The following KTN1 variants were observed in gnomAD, a reference collection of about 807,000 sequenced individuals.
KTN1 encodes kinectin.
A neutral mutation model predicts 222.5 loss-of-function variants in KTN1; 130 were observed. The ratio of observed to expected loss-of-function variants is 0.58; its 90% CI spans 0.51 to 0.68. KTN1 has a LOEUF of 0.68. Among genes scored for constraint, KTN1 ranks in the 30% least tolerant of loss-of-function variants. The pLI, the probability that KTN1 is intolerant of heterozygous loss-of-function variation, is 0.00. For missense variants in KTN1, 1,508 were observed against 1,500.4 expected (o/e 1.01, Z -0.08); for synonymous variants, 512 against 496.3 (o/e 1.03, Z -0.42).
intron 1 of KTN1, among the ~76,000 whole-genome samples, chr14:55,604,286 C>G (rs911790854): frequency 6.6e-6 from 1 of 152,120 alleles, no homozygotes; most frequent in African/African-American, 2.4e-5. Flanking sequence ...TTGCTCTTCC[C>G]TCATTCACTG....
At position 55,653,460 on chromosome 14, in the gene KTN1, T is replaced by G. The variant is rs3736876; in HGVS notation, c.2764-99T>G. On this transcript the variant is annotated intron_variant, in intron 27 of 43. Transcript: ENST00000395314. ...CTTAAATTTACTGCATATAATTATG[T>G]TTTTGTTTTTATTGGTGGGTGATTC... The G allele has an allele frequency of 2.3e-3, 1,965 of 858,042 alleles. 15 individuals are homozygous for G. In the African/African-American group the frequency reaches 0.028, roughly 12 times the overall value. The allele number at this position is 858,042 out of a possible 1,614,324, so 53.2% of individuals were successfully genotyped here. A position where few individuals can be genotyped will look rare whatever the true frequency, so the allele number is the denominator to read the frequency against.
chr14:55,673,462 A>G, intron 40 of KTN1: 1 of 377,408 alleles, frequency 2.6e-6, no homozygotes, highest in Non-Finnish European at 4.7e-6. Context: ...CTTAGCTCCT[A>G]ACAATGGCAT....
At position 55,649,453 on chromosome 14, in the gene KTN1, A is replaced by G. The variant is rs540213597; in HGVS notation, c.2368-323A>G. 8.5e-5 allele frequency among the ~76,000 whole-genome samples: 13 copies of G among 152,350 alleles called. No homozygotes were observed. In the South Asian group the frequency reaches 2.7e-3, roughly 32 times the overall value. Reference sequence around the variant, plus strand: ...GTTCTAAGTATACAAATATAAAGTAAGACTCTAGTAAAAGAGGCCGCCTGA... The same window carrying G: ...GTTCTAAGTATACAAATATAAAGTAGGACTCTAGTAAAAGAGGCCGCCTGA... On this transcript the variant is annotated intron_variant, in intron 21 of 43. Transcript: ENST00000395314.
chr14:55,656,591 G>C (rs1300681800), intron 29 of KTN1, among the ~76,000 whole-genome samples: 1 of 152,018 alleles, frequency 6.6e-6, no homozygotes, highest in Non-Finnish European at 1.5e-5. Context: ...TTAGCCTCTA[G>C]AGTAGCTGGG....
chr14:55,644,057 TGAAA>T (rs2042053321), intron 18 of KTN1, among the ~76,000 whole-genome samples: 2 of 152,198 alleles, frequency 1.3e-5, no homozygotes, highest in Non-Finnish European at 1.5e-5. Context: ...CTTCTGACTC[TGAAA>T]GCTTTTTATT....
intron 1 of KTN1, among the ~76,000 whole-genome samples, chr14:55,597,589 C>T (rs1594754902): frequency 6.6e-6 from 1 of 152,190 alleles, no homozygotes; most frequent in African/African-American, 2.4e-5. Context: ...CATGGTGGTT[C>T]ATACCTGTAA....
chr14:55,614,522 A>G (rs2038062454), intron 2 of KTN1, among the ~76,000 whole-genome samples: 1 of 152,202 alleles, frequency 6.6e-6, no homozygotes, highest in South Asian at 2.1e-4. Context: ...TGTGAGCCGC[A>G]TGTAGCCCAC....
rs770648127 is a variant in KTN1 at position 55,647,051 on chromosome 14, A to G, written c.2207+44A>G. Reference sequence around the variant, plus strand: ...TTTTATATTTTGATGAGTTACTTCTACCAAATTAACTACATTAATTAGAGT... The same window carrying G: ...TTTTATATTTTGATGAGTTACTTCTGCCAAATTAACTACATTAATTAGAGT... On this transcript the variant is annotated intron_variant, in intron 19 of 43. Coordinates refer to ENST00000395314, the MANE Select transcript of KTN1 (RefSeq NM_001079521.2). 6.2e-6 allele frequency: 7 copies of G among 1,122,932 alleles called. No individual in the cohort carries two copies. The Admixed American group carries it at 9.1e-5, about 15-fold the overall frequency. The allele number at this position is 1,122,932 out of a possible 1,614,324, so 69.6% of individuals were successfully genotyped here.
chr14:55,676,449 A>T (rs745861544), intron 41 of KTN1, among the ~76,000 whole-genome samples: 39 of 152,170 alleles, frequency 2.6e-4, no homozygotes, highest in Non-Finnish European at 5.1e-4. Flanking sequence ...TAATAGTAGA[A>T]TTCACATATT....
intron 7 of KTN1, 58 bp from the exon 8 acceptor site, chr14:55,633,177 A>T: frequency 2.3e-6 from 2 of 866,420 alleles, no homozygotes; most frequent in African/African-American, 1.8e-5. Context: ...AGTTTATTTT[A>T]AAAGTTAGCT....
intron 40 of KTN1, chr14:55,673,614 T>C (rs2045637394): frequency 6.1e-6 from 1 of 162,996 alleles, no homozygotes; most frequent in Non-Finnish European, 1.3e-5. Flanking sequence ...TCATAGTTAA[T>C]GGGGCCTTTT....
chr14:55,600,394 T>C (rs1379803107), intron 1 of KTN1, among the ~76,000 whole-genome samples: 1 of 152,152 alleles, frequency 6.6e-6, no homozygotes, highest in African/African-American at 2.4e-5. Context: ...AAGACTACCC[T>C]GTGGTAGTGG....
intron 1 of KTN1, among the ~76,000 whole-genome samples, chr14:55,606,471 C>T (rs2036740549): frequency 6.6e-6 from 1 of 151,924 alleles, no homozygotes; most frequent in Non-Finnish European, 1.5e-5. Flanking sequence ...GCCACCCCAG[C>T]TGATAAAATT....
chr14:55,679,676 CAGGTGTT>C lies in KTN1; in HGVS notation c.4065_4069+2del. ...GCTCACAAAGGAGAAAGAGCACTAC[CAGGTGTT>C]AGGTAAGGACAACTGAAATATTGCT... On this transcript the variant is annotated frameshift_variant and splice_region_variant, in exon 43 of 44. Coordinates refer to ENST00000395314, the MANE Select transcript of KTN1 (RefSeq NM_001079521.2). LOFTEE classifies it high-confidence loss of function. 6.2e-7 allele frequency: 1 copy of C among 1,613,740 alleles called. No homozygotes were observed. Among genetic ancestry groups the C allele is most frequent in the Non-Finnish European group, 8.5e-7 (1 of 1,179,772 alleles).
intron 41 of KTN1, among the ~76,000 whole-genome samples, chr14:55,676,468 A>C (rs1028579679): frequency 1.3e-5 from 2 of 152,176 alleles, no homozygotes; most frequent in Non-Finnish European, 2.9e-5. Flanking sequence ...TTCTTATATC[A>C]AAGCTGTTTT....
Position 55,653,197 on chromosome 14 carries a change from ATGTTGTACCATAGTTTTGTTGT to A in KTN1, c.2763+117_2763+138del, listed in dbSNP as rs2043122209. ...TCTGAGTTTCTTTGCCAGAAAAATT[ATGTTGTACCATAGTTTTGTTGT>A]TGTTTAAATAAGTTAGCTTTTATTT... On this transcript the variant is annotated intron_variant, in intron 27 of 43. Coordinates refer to ENST00000395314, the MANE Select transcript of KTN1 (RefSeq NM_001079521.2). 4.1e-5 allele frequency: 31 copies of A among 749,472 alleles called. No homozygotes were observed. The South Asian group carries it at 4.9e-4, about 12-fold the overall frequency. The allele number at this position is 749,472 out of a possible 1,614,324, so 46.4% of individuals were successfully genotyped here.
chr14:55,619,056 A>T (rs1029778666), intron 4 of KTN1, 126 bp from the exon 5 acceptor site: 1 of 676,044 alleles, frequency 1.5e-6, no homozygotes, highest in African/African-American at 1.8e-5. Flanking sequence ...AACCTGAAGT[A>T]TATATCTGTT....
At chr14:55,643,814 T>C (rs190663880) in intron 18 of KTN1, among the ~76,000 whole-genome samples, 18 of 152,294 alleles carry the variant, frequency 1.2e-4, no homozygotes, top group Admixed American at 2.6e-4. Flanking sequence ...TGAAAGTTAA[T>C]ATTATTGCTA....
chr14:55,624,961 A>G (rs1044736871), intron 5 of KTN1, among the ~76,000 whole-genome samples: 1 of 152,230 alleles, frequency 6.6e-6, no homozygotes, highest in Non-Finnish European at 1.5e-5. Flanking sequence ...AGTGTCCGCT[A>G]CGAGTAAGCT....
Sources: allele counts gnomAD v4.1 joint callset (sites outside exome capture counted in the v4.1 genomes callset), GRCh38; gene constraint gnomAD v4.1.1; transcripts MANE v1.5; gene names NCBI Gene and HGNC (gene_info 2026-07-23, HGNC 2026-07-21).